NUTM2B: variants seen among roughly 807,000 people sequenced by gnomAD.
NUTM2B encodes family with sequence similarity 22, member B.
A neutral mutation model predicts 42.4 loss-of-function variants in NUTM2B; 2 were observed. The ratio of observed to expected loss-of-function variants is 0.05; its 90% CI spans 0.02 to 0.15. The LOEUF is 0.15. Ranked by LOEUF, NUTM2B falls within the 10% of genes least tolerant of loss-of-function variation. The probability of loss-of-function intolerance (pLI) is 1.00; values close to 1 mark genes in which losing one functional copy is unlikely to be tolerated. For synonymous variants in NUTM2B, 18 were observed against 402.4 expected, an observed-to-expected ratio of 0.04 and a Z score of 11.43; for missense variants, 58 against 952.6, an observed-to-expected ratio of 0.06 and a Z score of 12.36.
At chr10:79,699,843 C>T (rs868090599), upstream of NUTM2B, among the ~76,000 whole-genome samples, 4 of 152,204 alleles carry the variant, frequency 2.6e-5, no homozygotes, top group Middle Eastern at 6.8e-3. Context: ...ATATCAAATT[C>T]CAAACTAAGA....
At chr10:79,709,143 G>A (rs1171565626) in intron 3 of NUTM2B, among the ~76,000 whole-genome samples, 1 of 113,566 alleles carries the variant, frequency 8.8e-6, no homozygotes, top group East Asian at 3.6e-4. Context: ...GGGAGAAGGG[G>A]CGCTAGTGAC....
At chr10:79,695,181 T>C in the NUTM2B span, among the ~76,000 whole-genome samples, 1 of 152,114 alleles carries the variant, frequency 6.6e-6, no homozygotes, top group Non-Finnish European at 1.5e-5. Flanking sequence ...TAGGTGGGAC[T>C]GTGAAGCTCT....
chr10:79,700,903 G>C (rs2132237218), upstream of NUTM2B, among the ~76,000 whole-genome samples: 1 of 152,250 alleles, frequency 6.6e-6, no homozygotes, highest in Non-Finnish European at 1.5e-5. Context: ...TGCTTCCTGG[G>C]GCCAGACAAC....
chr10:79,695,388 T>C, the NUTM2B span, among the ~76,000 whole-genome samples: 9 of 152,178 alleles, frequency 5.9e-5, no homozygotes, highest in Admixed American at 5.9e-4. Flanking sequence ...GAAGAAAATG[T>C]CACGTGCCTT....
At chr10:79,701,433 A>C (rs1008513746), upstream of NUTM2B, among the ~76,000 whole-genome samples, 4 of 152,068 alleles carry the variant, frequency 2.6e-5, no homozygotes, top group African/African-American at 9.7e-5. Flanking sequence ...GAAGCAACTC[A>C]CTGACTTCAG....
the NUTM2B span, among the ~76,000 whole-genome samples, chr10:79,692,830 T>C: frequency 6.6e-6 from 1 of 152,176 alleles, no homozygotes; most frequent in South Asian, 2.1e-4. Flanking sequence ...TCTCCTTAAA[T>C]ATCCCAATTC....
At chr10:79,698,314 T>C (rs994030540), upstream of NUTM2B, among the ~76,000 whole-genome samples, 8 of 152,062 alleles carry the variant, frequency 5.3e-5, no homozygotes, top group Non-Finnish European at 1.0e-4. Flanking sequence ...ATATGCTACA[T>C]CTCCGGAATA....
chr10:79,694,269 T>G, the NUTM2B span, among the ~76,000 whole-genome samples: 1 of 151,994 alleles, frequency 6.6e-6, no homozygotes, highest in African/African-American at 2.4e-5. Flanking sequence ...TGGTGGTGCA[T>G]GCCTGTAATC....
chr10:79,695,433 A>G, the NUTM2B span, among the ~76,000 whole-genome samples: 1 of 152,220 alleles, frequency 6.6e-6, no homozygotes. Flanking sequence ...CCACTGAGAT[A>G]AAACTCCTAA....
upstream of NUTM2B, among the ~76,000 whole-genome samples, chr10:79,702,556 A>G (rs140076597): frequency 0.074 from 11,044 of 150,032 alleles, 868 homozygotes; most frequent in African/African-American, 0.15. Context: ...TTGAGTCCAA[A>G]TGTCTTCAAA....
upstream of NUTM2B, among the ~76,000 whole-genome samples, chr10:79,699,531 C>T (rs1180350410): frequency 1.2e-4 from 19 of 152,256 alleles, no homozygotes; most frequent in Admixed American, 7.2e-4. Flanking sequence ...CAAACTCCGC[C>T]TCTTGGGTTC....
At chr10:79,697,749 AT>A in the NUTM2B span, among the ~76,000 whole-genome samples, 252 of 132,590 alleles carry the variant, frequency 1.9e-3, 2 homozygotes, top group African/African-American at 7.0e-3. Context: ...AAAAAAAAAA[AT>A]CACAAGGTAT....
At chr10:79,701,270 C>T (rs1840309104), upstream of NUTM2B, among the ~76,000 whole-genome samples, 1 of 152,144 alleles carries the variant, frequency 6.6e-6, no homozygotes, top group African/African-American at 2.4e-5. Context: ...GTTTTTCCTA[C>T]CGCATTCAAA....
chr10:79,698,180 C>T, the NUTM2B span, among the ~76,000 whole-genome samples: 1 of 146,594 alleles, frequency 6.8e-6, no homozygotes, highest in Non-Finnish European at 1.5e-5. Flanking sequence ...AAAAAAAAAC[C>T]ACAAAAACAC....
rs550387471 is a variant in NUTM2B, at chr10:79,706,946, C to CA, written c.1082+206dup. ...CAGGGGCCTCATCTCAACTGCCCGT[C>CA]ACTGTCCCGTGAGTCCGGCCAATCC... is the stretch of plus-strand genomic sequence containing the variant. On this transcript the variant is annotated intron_variant, in intron 2 of 6. Coordinates refer to ENST00000429828, the Ensembl canonical transcript of NUTM2B. Among the ~76,000 whole-genome samples, 282 of 109,966 alleles carry CA rather than the reference C, an allele frequency of 2.6e-3. 45 individuals are homozygous for CA. Among genetic ancestry groups the CA allele is most frequent in the Non-Finnish European group, 1.5e-3 (86 of 58,206 alleles). The allele number at this position is 109,966 out of a possible 152,430, so 72.1% of individuals were successfully genotyped here. A position where few individuals can be genotyped will look rare whatever the true frequency, so the allele number is the denominator to read the frequency against.
upstream of NUTM2B, among the ~76,000 whole-genome samples, chr10:79,701,416 T>C (rs1161075475): frequency 2.0e-5 from 3 of 152,036 alleles, no homozygotes; most frequent in African/African-American, 7.3e-5. Context: ...AATAAAAAAC[T>C]AGTAGAGAAG....
At chr10:79,699,732 C>T (rs1355184706), upstream of NUTM2B, among the ~76,000 whole-genome samples, 2 of 152,162 alleles carry the variant, frequency 1.3e-5, no homozygotes, top group African/African-American at 2.4e-5. Flanking sequence ...TGTGAGCCAC[C>T]GTGCCCGGCC....
chr10:79,699,228 T>A (rs899643530), upstream of NUTM2B, among the ~76,000 whole-genome samples: 1 of 151,940 alleles, frequency 6.6e-6, no homozygotes, highest in Non-Finnish European at 1.5e-5. Flanking sequence ...TTCTCTGTTA[T>A]TGCCCATGTG....
chr10:79,706,911 G>A (rs1840403979), intron 2 of NUTM2B, among the ~76,000 whole-genome samples, 170 bp downstream of exon 2: 1 of 109,648 alleles, frequency 9.1e-6, no homozygotes, highest in Non-Finnish European at 1.7e-5. Context: ...TGCGGCTCAG[G>A]ACAGACTGTC....
Sources: allele counts gnomAD v4.1 joint callset (sites outside exome capture counted in the v4.1 genomes callset), GRCh38; gene constraint gnomAD v4.1.1; transcripts MANE v1.5; gene names NCBI Gene and HGNC (gene_info 2026-07-23, HGNC 2026-07-21).